The following ZNF292 variants were observed in gnomAD, a reference collection of about 807,000 sequenced individuals.
ZNF292 encodes the protein 16 zinc-finger domain protein.
A neutral mutation model predicts 217.9 loss-of-function variants in ZNF292; 26 were observed. That is an observed-to-expected ratio of 0.12 (90% CI 0.09 to 0.17). The LOEUF is 0.17. Among genes scored for constraint, ZNF292 ranks in the 10% least tolerant of loss-of-function variants. ZNF292 has a pLI of 1.00. For missense variants in ZNF292, 2,904 were observed against 3,175.2 expected (o/e 0.91, Z 2.05); for synonymous variants, 1,257 against 1,124.1 (o/e 1.12, Z -2.37).
chr6:87,202,686 G>A (rs1772129967), intron 1 of ZNF292, among the ~76,000 whole-genome samples: 2 of 152,082 alleles, frequency 1.3e-5, no homozygotes, highest in Admixed American at 1.3e-4. Context: ...TTGTCGTAAA[G>A]AGATACTGAT....
At chr6:87,200,903 A>T (rs1772082511) in intron 1 of ZNF292, among the ~76,000 whole-genome samples, 2 of 152,226 alleles carry the variant, frequency 1.3e-5, no homozygotes, top group Admixed American at 1.3e-4. Flanking sequence ...TTTCTTTGAA[A>T]ATGCTAAACT....
chr6:87,203,132 C>CT (rs1772141580), intron 1 of ZNF292, among the ~76,000 whole-genome samples: 1 of 114,150 alleles, frequency 8.8e-6, no homozygotes, highest in African/African-American at 3.8e-5. Context: ...AATATATTTT[C>CT]CTTTTTTTTT....
chr6:87,211,916 T>C (rs753112575), intron 1 of ZNF292, among the ~76,000 whole-genome samples: 12 of 152,164 alleles, frequency 7.9e-5, no homozygotes, highest in Admixed American at 1.3e-4. Flanking sequence ...AATATAAATA[T>C]ATGTGTATAG....
chr6:87,230,993 GA>G (rs1447331104), intron 4 of ZNF292, among the ~76,000 whole-genome samples: 1 of 152,106 alleles, frequency 6.6e-6, no homozygotes, highest in Non-Finnish European at 1.5e-5. Context: ...GCAGACTAGG[GA>G]GTGAAATTTG....
rs536684408 is a variant in ZNF292, at chr6:87,187,345, G to A, written c.169-28558G>A. Among the ~76,000 whole-genome samples the A allele has an allele frequency of 3.3e-5, 5 of 152,248 alleles. No individual in the cohort carries two copies. The East Asian group carries it at 7.7e-4, about 23-fold the overall frequency. ...AAAGTTTAAAAGAAAATCTTGTTCAGTAACTCACTTTACTAAATCTTAATG... is the reference window on the plus strand; with the variant it reads ...AAAGTTTAAAAGAAAATCTTGTTCAATAACTCACTTTACTAAATCTTAATG... On this transcript the variant is annotated intron_variant, in intron 1 of 7. Coordinates refer to ENST00000369577, the MANE Select transcript of ZNF292 (RefSeq NM_015021.3).
At chr6:87,201,303 T>A (rs2127789324) in intron 1 of ZNF292, among the ~76,000 whole-genome samples, 1 of 152,350 alleles carries the variant, frequency 6.6e-6, no homozygotes, top group Admixed American at 6.5e-5. Flanking sequence ...CAGTTATTAT[T>A]ATCTTCCATT....
chr6:87,157,931 C>T (rs1382249982), intron 1 of ZNF292, among the ~76,000 whole-genome samples: 2 of 152,146 alleles, frequency 1.3e-5, no homozygotes, highest in African/African-American at 4.8e-5. Flanking sequence ...CTGCTGGTCT[C>T]GAACTGCTGA....
chr6:87,215,306 A>G (rs1000702916), intron 1 of ZNF292, among the ~76,000 whole-genome samples: 1 of 152,146 alleles, frequency 6.6e-6, no homozygotes, highest in African/African-American at 2.4e-5. Flanking sequence ...AAAAAACACT[A>G]TTACAAAAAT....
intron 1 of ZNF292, 60 bp from the exon 2 acceptor site, chr6:87,215,843 T>C: frequency 1.5e-6 from 2 of 1,349,298 alleles, no homozygotes; most frequent in Non-Finnish European, 2.0e-6. Context: ...AAACAGCTGA[T>C]GAGTCAATGT....
chr6:87,210,552 C>T (rs895656204), intron 1 of ZNF292, among the ~76,000 whole-genome samples: 3 of 151,818 alleles, frequency 2.0e-5, no homozygotes, highest in African/African-American at 2.4e-5. Flanking sequence ...CAGGCTGAAG[C>T]GGGCGGATCA....
chr6:87,216,611 AAG>A (rs1386591563), intron 3 of ZNF292, among the ~76,000 whole-genome samples: 1 of 152,032 alleles, frequency 6.6e-6, no homozygotes, highest in Non-Finnish European at 1.5e-5. Context: ...AGGGCTTTGT[AAG>A]AGCAGCAAGG....
At chr6:87,188,988 T>C (rs1040330496) in intron 1 of ZNF292, among the ~76,000 whole-genome samples, 7 of 151,956 alleles carry the variant, frequency 4.6e-5, no homozygotes, top group Non-Finnish European at 1.0e-4. Context: ...GCCGATCACC[T>C]AAGGTCAGGA....
chr6:87,182,443 T>A (rs1344887430), intron 1 of ZNF292, among the ~76,000 whole-genome samples: 1 of 152,190 alleles, frequency 6.6e-6, no homozygotes, highest in Admixed American at 6.5e-5. Context: ...TTTAAAAATT[T>A]CCCCAAGTAG....
chr6:87,208,944 T>A lies in ZNF292; in HGVS notation c.169-6959T>A, dbSNP rs73483779. Among the ~76,000 whole-genome samples, 743 of 152,320 alleles carry A rather than the reference T, an allele frequency of 4.9e-3. 6 individuals carry two copies. Among genetic ancestry groups the A allele is most frequent in the African/African-American group, 0.016 (678 of 41,568 alleles). On this transcript the variant is annotated intron_variant, in intron 1 of 7. Transcript: ENST00000369577. ...GCCCTGAAAAGTAAGATACTTTTCC[T>A]TGACTGTGTCCAAACACCTCTTTTT...
In ZNF292 at chr6:87,156,797, CG is replaced by C. The variant is rs1179094294; in HGVS notation, c.168+1040del. 9.8e-5 allele frequency among the ~76,000 whole-genome samples: 15 copies of C among 152,298 alleles called. No homozygotes were observed. In the South Asian group the frequency reaches 3.1e-3, roughly 32 times the overall value. ...AAATCATTTCATCCATGGTGAAAAT[CG>C]GAGAGTTTGGGACTACATTTGCACT... On this transcript the variant is annotated intron_variant, in intron 1 of 7. Coordinates refer to ENST00000369577, the MANE Select transcript of ZNF292 (RefSeq NM_015021.3).
chr6:87,190,834 G>A (rs184049254), intron 1 of ZNF292, among the ~76,000 whole-genome samples: 294 of 152,230 alleles, frequency 1.9e-3, no homozygotes, highest in Middle Eastern at 3.4e-3. Flanking sequence ...ACATAGTATT[G>A]ATAGTCTTTT....
chr6:87,189,503 A>G (rs1221864498), intron 1 of ZNF292, among the ~76,000 whole-genome samples: 1 of 151,966 alleles, frequency 6.6e-6, no homozygotes, highest in East Asian at 1.9e-4. Flanking sequence ...TACATTTGTA[A>G]TATCTCCTTA....
rs2127863800 is a variant in ZNF292 at position 87,257,300 on chromosome 6, G to A, written c.3671G>A (p.Gly1224Asp). The A allele has an allele frequency of 1.2e-6, 2 of 1,613,624 alleles. No individual in the cohort carries two copies. Among genetic ancestry groups the A allele is most frequent in the East Asian group, 4.5e-5 (2 of 44,864 alleles). The change falls in exon 8 of 8, where the codon GGT becomes GAT. Residue 1224 changes from glycine to aspartate, a missense_variant. Around this residue, in one of 15 missense-constraint regions of ZNF292, gnomAD observed 687 missense variants for 623.0 expected, o/e 1.10. Coordinates refer to ENST00000369577, the MANE Select transcript of ZNF292 (RefSeq NM_015021.3). ...NITSQDKNEQ[G>D]GMLCSQMENL... ...ACTTCTCAGGATAAAAATGAACAAG[G>A]TGGTATGTTATGTTCCCAAATGGAA...
intron 1 of ZNF292, among the ~76,000 whole-genome samples, chr6:87,211,435 TC>T (rs149451785): frequency 0.12 from 17,781 of 152,208 alleles, 1,165 homozygotes; most frequent in African/African-American, 0.17. Flanking sequence ...TTTTTATTTC[TC>T]CAGAAATGTA....
Sources: gnomAD v4.1 joint callset for allele counts (sites outside exome capture counted in the v4.1 genomes callset) on GRCh38, gnomAD v4.1.1 for gene constraint, gnomAD v4.1.1 regional missense constraint, MANE v1.5 for transcripts, NCBI Gene and HGNC (gene_info 2026-07-23, HGNC 2026-07-21) for gene names.